Variants in CKM observed in about 807,000 individuals in gnomAD.
CKM encodes the protein creatine kinase M-type.
In CKM, 28 loss-of-function variants were observed where a neutral mutation model predicts 35.4. That is an observed-to-expected ratio of 0.79 (90% confidence interval 0.59 to 1.08). The LOEUF (loss-of-function observed/expected upper bound fraction) is 1.08. CKM is among the 50% of genes least tolerant of loss of function. The pLI is 0.00. For missense variants in CKM, 484 were observed against 509.8 expected, an observed-to-expected ratio of 0.95 and a Z score of 0.49; for synonymous variants, 215 against 204.4, an observed-to-expected ratio of 1.05 and a Z score of -0.44.
chr19:45,307,655 G>C lies in CKM; in HGVS notation c.778-5C>G, dbSNP rs767676171. On this transcript the variant is annotated splice_polypyrimidine_tract_variant and splice_region_variant and intron_variant, in intron 6 of 7. Transcript: ENST00000221476. Reference sequence around the variant, plus strand: ...TTTCTTAAAGATCTCCTCAATCTGAGGTTCAGAGAGAGGACCAGGGGTCAG... The same window carrying C: ...TTTCTTAAAGATCTCCTCAATCTGACGTTCAGAGAGAGGACCAGGGGTCAG... 2 of 1,613,056 alleles carry C rather than the reference G, an allele frequency of 1.2e-6. No homozygotes were observed. Among genetic ancestry groups the C allele is most frequent in the South Asian group, 1.1e-5 (1 of 90,996 alleles).
At chr19:45,312,180 C>T (rs1971116633) in intron 4 of CKM, among the ~76,000 whole-genome samples, 2 of 152,242 alleles carry the variant, frequency 1.3e-5, no homozygotes, top group African/African-American at 4.8e-5. Flanking sequence ...CCCTGAGGGA[C>T]CCTCACATCC....
chr19:45,313,194 T>G (rs17875614), intron 4 of CKM, among the ~76,000 whole-genome samples: 1,627 of 152,290 alleles, frequency 0.011, 26 homozygotes, highest in African/African-American at 0.038. Flanking sequence ...CCATTTTTCC[T>G]ACAGCATGTG....
Position 45,306,995 on chromosome 19 carries a change from C to T in CKM, c.968-67G>A. On this transcript the variant is annotated intron_variant, in intron 7 of 7. Coordinates refer to ENST00000221476, the MANE Select transcript of CKM (RefSeq NM_001824.5). This position sits in a 1 kb window ranked among gnomAD's most constrained non-coding sequence, Gnocchi z 4.5. The stretch of plus-strand genomic sequence containing the variant: ...TGCAGAGGGGCTGGGACGTGGCCCC[C>T]GTGCCAAATGCAACAGCCGCATGTA... The T allele has an allele frequency of 4.5e-6, 7 of 1,544,976 alleles. No individual in the cohort carries two copies. Among genetic ancestry groups the T allele is most frequent in the African/African-American group, 2.7e-5 (2 of 73,862 alleles).
intron 4 of CKM, among the ~76,000 whole-genome samples, chr19:45,312,566 G>A (rs11878815): frequency 0.39 from 58,782 of 151,578 alleles, 12,198 homozygotes; most frequent in African/African-American, 0.54. Context: ...GGGATTACAG[G>A]CATGCGCCAC....
At chr19:45,310,116 CTTTTTTTTTTTT>C (rs56240150) in intron 5 of CKM, among the ~76,000 whole-genome samples, 2 of 93,928 alleles carry the variant, frequency 2.1e-5, no homozygotes, top group Non-Finnish European at 4.0e-5. Context: ...CCAGGCACTG[CTTTTTTTTTTTT>C]TTTTTTTTTT....
In CKM at chr19:45,319,573, A is replaced by C. The variant is rs2123145485; in HGVS notation, c.141T>G (p.Thr47=). 1 of 1,614,056 alleles carries C rather than the reference A, an allele frequency of 6.2e-7. No individual in the cohort carries two copies. ...ELYKKLRDKE[T]PSGFTVDDVI... ...CATCGTCTACAGTGAAGCCAGATGG[A>C]GTCTCCTTGTCCCGCAGCTTCTTGT... Residue 47 remains threonine, a synonymous_variant, in exon 2 of 8, where the codon ACT becomes ACG. Transcript: ENST00000221476.
chr19:45,321,831 C>T (rs1333477996), intron 1 of CKM, among the ~76,000 whole-genome samples: 1 of 152,028 alleles, frequency 6.6e-6, no homozygotes, highest in Non-Finnish European at 1.5e-5. Flanking sequence ...GGGCCTCCAG[C>T]AGCGGTGGGA....
intron 1 of CKM, among the ~76,000 whole-genome samples, chr19:45,321,063 A>ATTTTTTTTTTTTTTT (rs35089528): frequency 4.7e-4 from 67 of 142,660 alleles, no homozygotes; most frequent in African/African-American, 7.7e-4. Flanking sequence ...ACACCTGGCT[A>ATTTTTTTTTTTTTTT]TTTTTTTTTT....
In CKM at chr19:45,306,912, A is replaced by C; in HGVS notation, c.984T>G (p.Ala328=). 5 of 1,614,032 alleles carry C rather than the reference A, an allele frequency of 3.1e-6. No individual in the cohort carries two copies. Among genetic ancestry groups the C allele is most frequent in the Non-Finnish European group, 3.4e-6 (4 of 1,180,040 alleles). The change falls in exon 8 of 8, where the codon GCT becomes GCG. Residue 328 remains alanine (A), a synonymous_variant. Coordinates refer to ENST00000221476, the MANE Select transcript of CKM (RefSeq NM_001824.5). The surrounding 1 kb of genome is among the most constrained non-coding windows in gnomAD (Gnocchi z 4.5). ...ACACGTCAAATACTGAGCCCACGGC[A>C]GCTGTGTCCACGCCACCTGTGGGAG... ...QKRGTGGVDT[A]AVGSVFDVSN... is the part of the protein sequence containing the mutation.
chr19:45,315,726 TGTGTG>T, intron 3 of CKM, 129 bp from the exon 4 acceptor site: 1 of 1,262,574 alleles, frequency 7.9e-7, no homozygotes, highest in East Asian at 2.5e-5. Context: ...ACTGATTGGG[TGTGTG>T]GAGCCTCTCC....
intron 6 of CKM, 124 bp downstream of exon 6, chr19:45,308,285 G>C (rs889991095): frequency 4.9e-6 from 6 of 1,230,918 alleles, no homozygotes; most frequent in South Asian, 1.3e-5. Context: ...AGCCAGGTCC[G>C]GGGGGCAGGG....
rs1971064579 is a variant in CKM, at chr19:45,307,521, T to C, written c.907A>G (p.Ser303Gly). Residue 303 changes from serine to glycine, a missense_variant, in exon 7 of 8, where the codon AGC becomes GGC. Ser to Gly is a moderately conservative substitution (Grantham distance 56). Coordinates refer to ENST00000221476, the MANE Select transcript of CKM (RefSeq NM_001824.5). ...ATCTCCTCGAACTTGGGGTGCTTGC[T>C]CAGGTGCGCCAGCTTCACATGCACG... The part of the protein sequence containing the change: ...GGVHVKLAHL[S>G]KHPKFEEILT... 1 of 1,614,006 alleles carries C rather than the reference T, an allele frequency of 6.2e-7. No homozygotes were observed. The highest frequency in any genetic ancestry group is 1.3e-5 in the African/African-American group (1 of 75,036).
chr19:45,312,638 CA>C (rs1971120906), intron 4 of CKM, among the ~76,000 whole-genome samples: 2 of 151,000 alleles, frequency 1.3e-5, no homozygotes, highest in African/African-American at 4.9e-5. Flanking sequence ...GCGCCTGGCC[CA>C]AGACCCCAAT....
In CKM at chr19:45,317,813, G is replaced by A. The variant is rs762408876; in HGVS notation, c.348+12C>T. ...TCACCCCTCGGCCCTCCCCTCCTGC[G>A]CAGACACCGACCTTGAGGTTTTCAT... On this transcript the variant is annotated intron_variant, in intron 3 of 7. Coordinates refer to ENST00000221476, the MANE Select transcript of CKM (RefSeq NM_001824.5). 1.5e-5 allele frequency: 25 copies of A among 1,613,546 alleles called. No individual in the cohort carries two copies. The highest frequency in any genetic ancestry group is 6.7e-5 in the East Asian group (3 of 44,868).
chr19:45,315,492 G>A lies in CKM; in HGVS notation c.454C>T (p.Arg152Trp), dbSNP rs149872015. 3.4e-5 allele frequency: 54 copies of A among 1,599,554 alleles called. No individual in the cohort carries two copies. Among genetic ancestry groups the A allele is most frequent in the Non-Finnish European group, 4.3e-5 (51 of 1,179,760 alleles). ...LPPHCSRGER[R>W]AVEKLSVEAL... ...TCCACAGAGAGCTTCTCCACCGCCC[G>A]GCGCTCGCCACGGGAGCAGTGTGGG... Residue 152 changes from arginine to tryptophan, a missense_variant, in exon 4 of 8, where the codon CGG becomes TGG. By Grantham distance (101) the Arg-to-Trp change is moderately radical. Transcript: ENST00000221476.
intron 3 of CKM, among the ~76,000 whole-genome samples, chr19:45,316,449 C>T (rs150171581): frequency 2.2e-3 from 329 of 151,874 alleles, no homozygotes; most frequent in African/African-American, 7.5e-3. Context: ...CAGGCATGAG[C>T]CACCATGCCT....
intron 5 of CKM, 80 bp downstream of exon 5, chr19:45,311,669 G>T: frequency 2.4e-6 from 3 of 1,228,674 alleles, no homozygotes; most frequent in Non-Finnish European, 3.4e-6. Context: ...CCTTGGTTTT[G>T]GTGGAGGAGT....
chr19:45,321,069 T>C (rs1354344983), intron 1 of CKM, among the ~76,000 whole-genome samples: 1 of 151,590 alleles, frequency 6.6e-6, no homozygotes, highest in Non-Finnish European at 1.5e-5. Flanking sequence ...GGCTATTTTT[T>C]TTTTTGGTAT....
chr19:45,313,009 A>G (rs997068808), intron 4 of CKM, among the ~76,000 whole-genome samples: 1 of 151,982 alleles, frequency 6.6e-6, no homozygotes, highest in African/African-American at 2.4e-5. Flanking sequence ...TGTATAAAAT[A>G]TGTGTATAAT....
Sources: allele counts gnomAD v4.1 joint callset (sites outside exome capture counted in the v4.1 genomes callset), GRCh38; gene constraint gnomAD v4.1.1; non-coding constraint Gnocchi (gnomAD v3.1); transcripts MANE v1.5; gene names NCBI Gene and HGNC (gene_info 2026-07-23, HGNC 2026-07-21).